TBC1D8: variants seen among roughly 807,000 people sequenced by gnomAD.
TBC1D8 encodes TBC1 domain family member 8.
A neutral mutation model predicts 118.8 loss-of-function variants in TBC1D8; 65 were observed. The observed-to-expected ratio is 0.55, with a 90% CI of 0.45 to 0.67. The LOEUF is 0.67. TBC1D8 is among the 30% of genes least tolerant of loss of function. The probability of loss-of-function intolerance (pLI) is 0.00; values close to 1 mark genes in which losing one functional copy is unlikely to be tolerated. For missense variants in TBC1D8, 1,376 were observed against 1,471.2 expected, an observed-to-expected ratio of 0.94 and a Z score of 1.06; for synonymous variants, 566 against 595.8, an observed-to-expected ratio of 0.95 and a Z score of 0.73.
intron 17 of TBC1D8, 74 bp downstream of exon 17, chr2:101,021,607 T>G (rs1680031988): frequency 1.9e-6 from 2 of 1,048,050 alleles, no homozygotes; most frequent in Non-Finnish European, 2.9e-6. Flanking sequence ...AGAGAAGAGC[T>G]TCAGAGTCAT....
chr2:101,060,013 G>A (rs1322157121), intron 2 of TBC1D8, among the ~76,000 whole-genome samples: 1 of 152,232 alleles, frequency 6.6e-6, no homozygotes, highest in Non-Finnish European at 1.5e-5. Flanking sequence ...CCCCATAGGG[G>A]CCGTGGTGCT....
Position 101,105,432 on chromosome 2 carries a change from T to C in TBC1D8, c.128-15068A>G, listed in dbSNP as rs150860755. Among the ~76,000 whole-genome samples, 1,378 of 151,698 alleles carry C rather than the reference T, an allele frequency of 9.1e-3. 14 individuals carry two copies. The highest frequency in any genetic ancestry group is 0.015 in the Non-Finnish European group (1,008 of 67,878). ...GGCGAAACCCTGTCTCTACTAAAAA[T>C]ACAAAAATCAGCTTGGCATGGTGGC... On this transcript the variant is annotated intron_variant, in intron 1 of 19. Coordinates refer to ENST00000409318, the MANE Select transcript of TBC1D8 (RefSeq NM_001330348.2).
chr2:101,150,503 G>A (rs1558735607), intron 1 of TBC1D8, among the ~76,000 whole-genome samples: 1 of 152,092 alleles, frequency 6.6e-6, no homozygotes, highest in South Asian at 2.1e-4. Context: ...ACGAGCCTGG[G>A]TTTTTTTTCC....
intron 1 of TBC1D8, among the ~76,000 whole-genome samples, chr2:101,100,429 C>T (rs1676753226): frequency 6.6e-6 from 1 of 152,072 alleles, no homozygotes; most frequent in Admixed American, 6.6e-5. Context: ...TGAAAATGGC[C>T]ATACTGCTCC....
At position 101,129,202 on chromosome 2, in the gene TBC1D8, C is replaced by T. The variant is rs564722295; in HGVS notation, c.127+21925G>A. 9.2e-5 allele frequency among the ~76,000 whole-genome samples: 14 copies of T among 152,144 alleles called. No individual in the cohort carries two copies. In the South Asian group the frequency reaches 1.7e-3, roughly 18 times the overall value. On this transcript the variant is annotated intron_variant, in intron 1 of 19. Transcript: ENST00000409318. ...TCGCCCAGGTTGGAGTACAGTGGCA[C>T]GATTTTGGCTCACTGCCAACCTCTG...
intron 2 of TBC1D8, among the ~76,000 whole-genome samples, chr2:101,078,704 A>C (rs1276248706): frequency 2.2e-5 from 3 of 135,656 alleles, no homozygotes; most frequent in Admixed American, 1.6e-4. Flanking sequence ...ATCTTTGAAA[A>C]TCTTCATAAC....
At chr2:101,086,661 C>A (rs1675649676) in intron 2 of TBC1D8, among the ~76,000 whole-genome samples, 1 of 152,090 alleles carries the variant, frequency 6.6e-6, no homozygotes, top group Non-Finnish European at 1.5e-5. Context: ...AACCTCTAGA[C>A]AAGGATGTCC....
At chr2:101,084,056 T>C (rs4851401) in intron 2 of TBC1D8, among the ~76,000 whole-genome samples, 58,955 of 152,022 alleles carry the variant, frequency 0.39, 11,639 homozygotes, top group Middle Eastern at 0.45. Flanking sequence ...AAGTGATGCA[T>C]CTACAGACCT....
In TBC1D8 at chr2:101,151,260, G is replaced by A; in HGVS notation, c.-7C>T. On this transcript the variant is annotated 5_prime_UTR_variant, in exon 1 of 20. Coordinates refer to ENST00000409318, the MANE Select transcript of TBC1D8 (RefSeq NM_001330348.2). Reference sequence around the variant, plus strand: ...CCTCGGGCTTGAGCCACATCGCGGCGGTCCGGCCGCGCCCGCCGGCCCCAG... The same window carrying A: ...CCTCGGGCTTGAGCCACATCGCGGCAGTCCGGCCGCGCCCGCCGGCCCCAG... The A allele has an allele frequency of 8.7e-7, 1 of 1,148,068 alleles. No individual in the cohort carries two copies. Among genetic ancestry groups the A allele is most frequent in the Non-Finnish European group, 1.1e-6 (1 of 918,774 alleles). 71.1% of individuals were successfully genotyped at this position (1,148,068 alleles called of 1,614,324 possible). A position where few individuals can be genotyped will look rare whatever the true frequency, so the allele number is the denominator to read the frequency against.
rs1415220498 is a variant in TBC1D8, at chr2:101,040,280, G to C, written c.978C>G (p.Phe326Leu). 1.2e-6 allele frequency: 2 copies of C among 1,613,924 alleles called. No individual in the cohort carries two copies. Among genetic ancestry groups the C allele is most frequent in the Admixed American group, 1.7e-5 (1 of 60,012 alleles). Residue 326 changes from phenylalanine (F) to leucine (L), a missense_variant, in exon 6 of 20, where the codon TTC becomes TTG. Coordinates refer to ENST00000409318, the MANE Select transcript of TBC1D8 (RefSeq NM_001330348.2). ...AVVDCSLWTPFSRCHTTGRMF... is the reference protein window; with the variant it reads ...AVVDCSLWTPLSRCHTTGRMF... Reference sequence around the variant, plus strand: ...TCCGCCCCGTGGTGTGACAGCGACTGAACGGCGTCCAGAGCGAACAGTCCA... The same window carrying C: ...TCCGCCCCGTGGTGTGACAGCGACTCAACGGCGTCCAGAGCGAACAGTCCA...
Position 101,090,356 on chromosome 2 carries a change from C to T in TBC1D8, c.136G>A (p.Val46Ile). 6.2e-7 allele frequency: 1 copy of T among 1,613,952 alleles called. No individual in the cohort carries two copies. The highest frequency in any genetic ancestry group is 8.5e-7 in the Non-Finnish European group (1 of 1,179,864). ...TCCAACACTGCATCCAGAGCGCCGA[C>T]CAGGCGACCTTCAAAAGAAAAGAGA... is the stretch of plus-strand genomic sequence containing the variant. ...EGGGRLTGRL[V>I]GALDAVLDSN... The change falls in exon 2 of 20, where the codon GTC (valine) becomes ATC (isoleucine). Residue 46 changes from valine to isoleucine, a missense_variant. Transcript: ENST00000409318.
intron 2 of TBC1D8, among the ~76,000 whole-genome samples, chr2:101,070,162 C>A (rs1472604406): frequency 6.6e-6 from 1 of 151,962 alleles, no homozygotes; most frequent in South Asian, 2.1e-4. Flanking sequence ...GGTGATCTAC[C>A]CGCCTCGACC....
At chr2:101,127,566 A>G (rs986238542) in intron 1 of TBC1D8, among the ~76,000 whole-genome samples, 1 of 152,104 alleles carries the variant, frequency 6.6e-6, no homozygotes, top group African/African-American at 2.4e-5. Flanking sequence ...GAGACAGGGT[A>G]TCACTCTGTT....
intron 15 of TBC1D8, among the ~76,000 whole-genome samples, chr2:101,025,109 G>A (rs539312411): frequency 6.6e-6 from 1 of 152,306 alleles, no homozygotes; most frequent in Admixed American, 6.5e-5. Flanking sequence ...TTGTAGGCAT[G>A]TGTGTATTTA....
chr2:101,063,506 C>T (rs550340014), intron 2 of TBC1D8, among the ~76,000 whole-genome samples: 19 of 152,244 alleles, frequency 1.2e-4, no homozygotes, highest in African/African-American at 4.6e-4. Context: ...GAAACTTTTC[C>T]ACCCTACTGG....
At chr2:101,042,060 A>G (rs1005964295) in intron 5 of TBC1D8, among the ~76,000 whole-genome samples, 4 of 152,080 alleles carry the variant, frequency 2.6e-5, no homozygotes, top group Non-Finnish European at 5.9e-5. Context: ...TCTGACACAC[A>G]GTAAGTAATC....
chr2:101,035,132 A>C (rs1365623748), intron 9 of TBC1D8, among the ~76,000 whole-genome samples: 1 of 152,168 alleles, frequency 6.6e-6, no homozygotes, highest in African/African-American at 2.4e-5. Context: ...CAGGAAGAGT[A>C]ACGGAGCAGG....
At chr2:101,148,342 C>T (rs1432468810) in intron 1 of TBC1D8, among the ~76,000 whole-genome samples, 1 of 152,192 alleles carries the variant, frequency 6.6e-6, no homozygotes, top group Non-Finnish European at 1.5e-5. Flanking sequence ...TACAGTCACC[C>T]ATCCATTCAT....
At chr2:101,024,607 A>G (rs990513964) in intron 15 of TBC1D8, among the ~76,000 whole-genome samples, 1 of 152,060 alleles carries the variant, frequency 6.6e-6, no homozygotes, top group East Asian at 1.9e-4. Flanking sequence ...GGATTTCACC[A>G]TGTTGGTCAG....
Sources: allele counts gnomAD v4.1 joint callset (sites outside exome capture counted in the v4.1 genomes callset), GRCh38; gene constraint gnomAD v4.1.1; transcripts MANE v1.5; gene names NCBI Gene and HGNC (gene_info 2026-07-23, HGNC 2026-07-21).